PTPRN2: variants seen among roughly 807,000 people sequenced by gnomAD.
PTPRN2 encodes the protein receptor-type tyrosine-protein phosphatase N2.
A neutral mutation model predicts 118.8 loss-of-function variants in PTPRN2; 74 were observed. That is an observed-to-expected ratio of 0.62 (90% CI 0.52 to 0.76). PTPRN2 has a LOEUF of 0.76. Ranked by LOEUF, PTPRN2 falls within the 30% of genes least tolerant of loss-of-function variation. PTPRN2 has a pLI of 0.00. For missense variants in PTPRN2, 1,481 were observed against 1,394.4 expected (o/e 1.06, Z -0.99); for synonymous variants, 641 against 608.0 (o/e 1.05, Z -0.80).
At chr7:157,663,047 C>T (rs952318048) in intron 13 of PTPRN2, among the ~76,000 whole-genome samples, 1 of 151,994 alleles carries the variant, frequency 6.6e-6, no homozygotes, top group Non-Finnish European at 1.5e-5. Flanking sequence ...CTGCCTCACG[C>T]CGTATCTCAG....
At chr7:157,799,524 C>T (rs1805095212) in intron 12 of PTPRN2, among the ~76,000 whole-genome samples, 1 of 152,088 alleles carries the variant, frequency 6.6e-6, no homozygotes, top group African/African-American at 2.4e-5. Context: ...TACAGCAGGT[C>T]CTGCCCCAGC....
chr7:158,417,289 C>T (rs1814756163), intron 2 of PTPRN2, among the ~76,000 whole-genome samples: 1 of 151,728 alleles, frequency 6.6e-6, no homozygotes, highest in Non-Finnish European at 1.5e-5. Flanking sequence ...CTGAAGCTTT[C>T]AGTGTCCCAC....
chr7:158,120,162 C>G (rs1376191378), intron 9 of PTPRN2, among the ~76,000 whole-genome samples: 1 of 152,114 alleles, frequency 6.6e-6, no homozygotes, highest in South Asian at 2.1e-4. Context: ...TTCAGAGAGA[C>G]ACAGAGTAGA....
intron 12 of PTPRN2, among the ~76,000 whole-genome samples, chr7:157,884,017 C>T (rs1408460206): frequency 6.6e-6 from 1 of 151,044 alleles, no homozygotes; most frequent in African/African-American, 2.4e-5. Context: ...GATCAGAACA[C>T]ACTACCCCAA....
At chr7:157,815,277 G>T (rs1221551810) in intron 12 of PTPRN2, among the ~76,000 whole-genome samples, 1 of 152,260 alleles carries the variant, frequency 6.6e-6, no homozygotes, top group Admixed American at 6.5e-5. Context: ...CACCTCCTGA[G>T]GGCTGGGCCA....
chr7:157,578,155 G>T lies in PTPRN2; in HGVS notation c.2497-15C>A. ...TCCCACACCATCTGCGGACAAAGAA[G>T]GCCCGTGGCCGCGGTGTGACTGTCT... On this transcript the variant is annotated splice_polypyrimidine_tract_variant and intron_variant, in intron 17 of 22. Coordinates refer to ENST00000389418, the MANE Select transcript of PTPRN2 (RefSeq NM_002847.5). 1 of 1,598,298 alleles carries T rather than the reference G, an allele frequency of 6.3e-7. No individual in the cohort carries two copies. Among genetic ancestry groups the T allele is most frequent in the Non-Finnish European group, 8.5e-7 (1 of 1,169,838 alleles).
chr7:157,961,028 C>A (rs1801495140), intron 11 of PTPRN2, among the ~76,000 whole-genome samples: 1 of 151,446 alleles, frequency 6.6e-6, no homozygotes, highest in African/African-American at 2.4e-5. Flanking sequence ...CAAAACAAAA[C>A]CAAAACAAAA....
chr7:158,418,167 T>C (rs1194595383), intron 2 of PTPRN2, among the ~76,000 whole-genome samples: 1 of 150,778 alleles, frequency 6.6e-6, no homozygotes, highest in Admixed American at 6.6e-5. Context: ...GTGTACTACA[T>C]CAAGATGCTC....
At chr7:157,817,039 T>C (rs1377479015) in intron 12 of PTPRN2, among the ~76,000 whole-genome samples, 1 of 152,154 alleles carries the variant, frequency 6.6e-6, no homozygotes, top group Admixed American at 6.5e-5. Flanking sequence ...CGGAGGCCGA[T>C]GGGCCCTCTC....
intron 11 of PTPRN2, among the ~76,000 whole-genome samples, chr7:158,054,415 GA>G (rs1809622726): frequency 6.6e-6 from 1 of 152,240 alleles, no homozygotes; most frequent in Admixed American, 6.5e-5. Context: ...TGCTGTGTGG[GA>G]TGGGGGACAG....
intron 12 of PTPRN2, among the ~76,000 whole-genome samples, chr7:157,791,829 C>T (rs989889365): frequency 1.3e-5 from 2 of 152,240 alleles, no homozygotes; most frequent in African/African-American, 4.8e-5. Context: ...GAGGGTATCG[C>T]ACCTACAGCC....
chr7:158,491,709 C>T (rs867266555), intron 1 of PTPRN2, among the ~76,000 whole-genome samples: 6 of 152,230 alleles, frequency 3.9e-5, no homozygotes, highest in Middle Eastern at 3.4e-3. Flanking sequence ...AGGCTGGTCT[C>T]GAACTCCTGA....
intron 12 of PTPRN2, among the ~76,000 whole-genome samples, chr7:157,805,905 C>T (rs938601984): frequency 2.0e-5 from 3 of 152,160 alleles, no homozygotes; most frequent in East Asian, 1.9e-4. Context: ...TCTGCGTTAG[C>T]GATGGGGTCT....
chr7:158,457,476 C>T (rs539517480), intron 2 of PTPRN2, among the ~76,000 whole-genome samples: 62 of 151,436 alleles, frequency 4.1e-4, no homozygotes, highest in African/African-American at 1.5e-3. Context: ...CCCCAGTCAG[C>T]ACACGGTGAG....
chr7:158,435,678 T>C (rs1334519557), intron 2 of PTPRN2, among the ~76,000 whole-genome samples: 1 of 152,136 alleles, frequency 6.6e-6, no homozygotes, highest in Non-Finnish European at 1.5e-5. Flanking sequence ...AACCCAAATG[T>C]CCATCAACAG....
chr7:157,604,457 AC>A (rs1801884817), intron 15 of PTPRN2, among the ~76,000 whole-genome samples: 1 of 152,318 alleles, frequency 6.6e-6, no homozygotes, highest in South Asian at 2.1e-4. Context: ...GTTTTCCCCC[AC>A]GTGGAGTTCA....
Position 157,587,255 on chromosome 7 carries a change from C to CA in PTPRN2, c.2496+7982dup, listed in dbSNP as rs1027589151. 7.3e-6 allele frequency among the ~76,000 whole-genome samples: 1 copy of CA among 137,066 alleles called. No homozygotes were observed. The highest frequency in any genetic ancestry group is 2.9e-5 in the African/African-American group (1 of 33,980). 89.9% of individuals were successfully genotyped at this position (137,066 alleles called of 152,430 possible). A position where few individuals can be genotyped will look rare whatever the true frequency, so the allele number is the denominator to read the frequency against. On this transcript the variant is annotated intron_variant, in intron 17 of 22. Transcript: ENST00000389418. This position sits in a 1 kb window ranked among gnomAD's most constrained non-coding sequence, Gnocchi z 5.3. ...ACAGGCAGACAGCGAGACAGGCAGACAGACAGGCAGACAAACAGGCAGACA... is the reference window on the plus strand; with the variant it reads ...ACAGGCAGACAGCGAGACAGGCAGACAAGACAGGCAGACAAACAGGCAGACA...
At chr7:157,901,773 C>T (rs148926752) in intron 11 of PTPRN2, among the ~76,000 whole-genome samples, 4,338 of 24,450 alleles carry the variant, frequency 0.18, 165 homozygotes, top group East Asian at 0.27. Flanking sequence ...GGTCCTGAGG[C>T]GGGGCCTTCC....
chr7:157,933,924 G>T (rs1224482372), intron 11 of PTPRN2, among the ~76,000 whole-genome samples: 1 of 151,972 alleles, frequency 6.6e-6, no homozygotes, highest in Admixed American at 6.6e-5. Context: ...TAGAGGAGGG[G>T]TGAGTCACTC....
Sources: allele counts gnomAD v4.1 joint callset (sites outside exome capture counted in the v4.1 genomes callset), GRCh38; gene constraint gnomAD v4.1.1; non-coding constraint Gnocchi (gnomAD v3.1); transcripts MANE v1.5; gene names NCBI Gene and HGNC (gene_info 2026-07-23, HGNC 2026-07-21).